Variants in AGBL1 observed in about 807,000 individuals in gnomAD.
AGBL1 encodes the protein AGBL carboxypeptidase 1.
A neutral mutation model predicts 118.9 loss-of-function variants in AGBL1; 130 were observed. The observed-to-expected ratio is 1.09, with a 90% CI of 0.95 to 1.26. AGBL1 has a LOEUF of 1.26. AGBL1 is among the 50% of genes most tolerant of loss of function. The pLI is 0.00. For synonymous variants in AGBL1, 555 were observed against 478.9 expected (o/e 1.16, Z -2.08); for missense variants, 1,584 against 1,298.1 (o/e 1.22, Z -3.38).
chr15:86,880,549 G>T (rs2079876244), intron 22 of AGBL1, among the ~76,000 whole-genome samples: 1 of 152,162 alleles, frequency 6.6e-6, no homozygotes, highest in Non-Finnish European at 1.5e-5. Flanking sequence ...GGTTTTTCCT[G>T]TGTGTCTATG....
At chr15:86,982,565 C>T (rs1007739096) in intron 23 of AGBL1, among the ~76,000 whole-genome samples, 2 of 152,162 alleles carry the variant, frequency 1.3e-5, no homozygotes, top group African/African-American at 4.8e-5. Context: ...ACCTCGCCTG[C>T]CTCTGTCATC....
intron 22 of AGBL1, among the ~76,000 whole-genome samples, chr15:86,876,749 A>T (rs564716931): frequency 6.6e-6 from 1 of 152,284 alleles, no homozygotes; most frequent in Non-Finnish European, 1.5e-5. Context: ...AAACAAGAAA[A>T]TATATATTTA....
intron 17 of AGBL1, among the ~76,000 whole-genome samples, chr15:86,383,247 T>TA (rs4035838): frequency 0.074 from 4,035 of 54,468 alleles, 268 homozygotes; most frequent in African/African-American, 0.16. Context: ...ATTCAGTATG[T>TA]AAAAAAAAAA....
chr15:86,834,816 G>A lies in AGBL1; in HGVS notation c.3159-72271G>A, dbSNP rs535651203. ...TTGACACTAAAGCGTGAGATGCTAT[G>A]AGACCTACATGGCATGCACAAGCCA... On this transcript the variant is annotated intron_variant, in intron 22 of 22. Coordinates refer to ENST00000614907, the MANE Select transcript of AGBL1 (RefSeq NM_001386094.1). Among the ~76,000 whole-genome samples the A allele has an allele frequency of 3.9e-5, 6 of 152,304 alleles. No individual in the cohort carries two copies. In the South Asian group the frequency reaches 6.2e-4, roughly 16 times the overall value.
At chr15:86,388,599 C>G (rs1431223) in intron 17 of AGBL1, among the ~76,000 whole-genome samples, 4,292 of 152,194 alleles carry the variant, frequency 0.028, 198 homozygotes, top group African/African-American at 0.097. Context: ...CCAAAGTCTT[C>G]CAATTCATAC....
intron 22 of AGBL1, among the ~76,000 whole-genome samples, chr15:86,830,672 A>G (rs2079092716): frequency 6.6e-6 from 1 of 152,130 alleles, no homozygotes; most frequent in Non-Finnish European, 1.5e-5. Context: ...AGCTCCATTT[A>G]TTTAAAAGGC....
At chr15:86,858,463 GGTGTGTGTGTGT>G (rs3059715) in intron 22 of AGBL1, among the ~76,000 whole-genome samples, 9 of 147,166 alleles carry the variant, frequency 6.1e-5, no homozygotes, top group East Asian at 2.0e-4. Context: ...CCTTTCAGGT[GGTGTGTGTGTGT>G]GTGTGTGTGT....
chr15:87,023,163 G>A (rs778157129), intron 24 of AGBL1, among the ~76,000 whole-genome samples: 1 of 152,020 alleles, frequency 6.6e-6, no homozygotes, highest in Non-Finnish European at 1.5e-5. Flanking sequence ...TTACCTAAAT[G>A]TTCTACTTAA....
chr15:86,452,147 TCTC>T (rs1436550877), intron 18 of AGBL1, among the ~76,000 whole-genome samples: 2 of 152,166 alleles, frequency 1.3e-5, no homozygotes, highest in East Asian at 1.9e-4. Flanking sequence ...TCTAGACTCA[TCTC>T]CTAACATTCC....
chr15:86,243,053 A>T (rs1597612334), intron 6 of AGBL1, among the ~76,000 whole-genome samples: 2 of 152,216 alleles, frequency 1.3e-5, no homozygotes, highest in South Asian at 4.1e-4. Flanking sequence ...TACTATGTCA[A>T]CCTGTGGACT....
chr15:86,772,938 TATC>T (rs1275622967), intron 22 of AGBL1, among the ~76,000 whole-genome samples: 2 of 151,934 alleles, frequency 1.3e-5, no homozygotes, highest in Non-Finnish European at 2.9e-5. Flanking sequence ...GGAGATAAGT[TATC>T]ATAAACAACC....
At chr15:86,117,046 C>T (rs1897810073) in intron 1 of AGBL1, among the ~76,000 whole-genome samples, 1 of 150,952 alleles carries the variant, frequency 6.6e-6, no homozygotes, top group Non-Finnish European at 1.5e-5. Context: ...AAGAGTTTTC[C>T]TGTGTGATTG....
intron 21 of AGBL1, among the ~76,000 whole-genome samples, chr15:86,571,585 T>A (rs1429357654): frequency 6.6e-6 from 1 of 152,206 alleles, no homozygotes; most frequent in African/African-American, 2.4e-5. Context: ...CAGGTCATCC[T>A]GATGAGTGTC....
intron 22 of AGBL1, among the ~76,000 whole-genome samples, chr15:86,715,264 T>G (rs1166694700): frequency 6.6e-6 from 1 of 152,202 alleles, no homozygotes; most frequent in Non-Finnish European, 1.5e-5. Flanking sequence ...GTACCTGTTA[T>G]TGTTGCTGTT....
chr15:86,344,173 C>T (rs1034870386), intron 17 of AGBL1, among the ~76,000 whole-genome samples: 2 of 152,140 alleles, frequency 1.3e-5, no homozygotes, highest in Admixed American at 6.5e-5. Flanking sequence ...GGGCATGGCT[C>T]TTGTACCAGG....
intron 24 of AGBL1, among the ~76,000 whole-genome samples, chr15:86,989,022 G>C (rs1176565511): frequency 8.2e-6 from 1 of 122,054 alleles, no homozygotes; most frequent in East Asian, 2.6e-4. Flanking sequence ...TTTTTTAAGA[G>C]TCAGAGTCTT....
At chr15:86,841,433 G>T (rs943659686) in intron 22 of AGBL1, among the ~76,000 whole-genome samples, 1 of 152,164 alleles carries the variant, frequency 6.6e-6, no homozygotes, top group East Asian at 1.9e-4. Flanking sequence ...ATATTTTGCT[G>T]TGATGTTAGT....
At chr15:86,393,634 C>T (rs111412392) in intron 17 of AGBL1, among the ~76,000 whole-genome samples, 153 of 152,200 alleles carry the variant, frequency 1.0e-3, no homozygotes, top group African/African-American at 3.5e-3. Flanking sequence ...GTTGACCTCC[C>T]GTTAATTTCA....
chr15:86,360,319 C>CTT (rs570573457), intron 17 of AGBL1, among the ~76,000 whole-genome samples: 3,674 of 135,974 alleles, frequency 0.027, 154 homozygotes, highest in African/African-American at 0.091. Context: ...GGGTTTTTTC[C>CTT]TTTTTTTTTT....
Sources: allele counts gnomAD v4.1 joint callset (sites outside exome capture counted in the v4.1 genomes callset), GRCh38; gene constraint gnomAD v4.1.1; transcripts MANE v1.5; gene names NCBI Gene and HGNC (gene_info 2026-07-23, HGNC 2026-07-21).